The following FILIP1 variants were observed in gnomAD, a reference collection of about 807,000 sequenced individuals.
FILIP1 encodes the protein filamin-A-interacting protein 1.
A neutral mutation model predicts 102.1 loss-of-function variants in FILIP1; 61 were observed. The ratio of observed to expected loss-of-function variants is 0.60; its 90% CI spans 0.49 to 0.74. The LOEUF (loss-of-function observed/expected upper bound fraction) is 0.74. Ranked by LOEUF, FILIP1 falls within the 30% of genes least tolerant of loss-of-function variation. The probability of loss-of-function intolerance (pLI) is 0.00; values close to 1 mark genes in which losing one functional copy is unlikely to be tolerated. For missense variants in FILIP1, 1,314 were observed against 1,441.2 expected, an observed-to-expected ratio of 0.91 and a Z score of 1.43; for synonymous variants, 491 against 526.9, an observed-to-expected ratio of 0.93 and a Z score of 0.93.
chr6:75,362,167 T>C (rs1285931357), intron 3 of FILIP1, among the ~76,000 whole-genome samples: 2 of 152,228 alleles, frequency 1.3e-5, no homozygotes, highest in Non-Finnish European at 2.9e-5. Context: ...TGAGAGTATT[T>C]TTAAAATGTG....
At chr6:75,390,937 T>G (rs2149656923) in intron 2 of FILIP1, among the ~76,000 whole-genome samples, 1 of 152,232 alleles carries the variant, frequency 6.6e-6, no homozygotes, top group South Asian at 2.1e-4. Flanking sequence ...TTCCCTGAAC[T>G]TCTCTCCTCT....
chr6:75,301,508 C>G (rs1025209162), intron 6 of FILIP1, among the ~76,000 whole-genome samples: 17 of 152,092 alleles, frequency 1.1e-4, no homozygotes, highest in African/African-American at 3.6e-4. Context: ...TCCTCTTGAT[C>G]TCTAAGGTCT....
chr6:75,378,610 T>C (rs1379695213), intron 2 of FILIP1, among the ~76,000 whole-genome samples: 1 of 152,192 alleles, frequency 6.6e-6, no homozygotes, highest in Non-Finnish European at 1.5e-5. Context: ...TGAGAAATGA[T>C]GAGTGAACTG....
chr6:75,485,966 AAAAC>A (rs1779773702), intron 1 of FILIP1, among the ~76,000 whole-genome samples: 1 of 111,566 alleles, frequency 9.0e-6, no homozygotes, highest in South Asian at 3.0e-4. Context: ...CCTTCTGACC[AAAAC>A]ACACACACAC....
chr6:75,474,841 A>G (rs996258533), intron 1 of FILIP1, among the ~76,000 whole-genome samples: 1 of 152,104 alleles, frequency 6.6e-6, no homozygotes, highest in Non-Finnish European at 1.5e-5. Context: ...GTTTAGTACC[A>G]TCACCTTGGT....
chr6:75,343,590 T>C (rs1774483734), intron 4 of FILIP1, among the ~76,000 whole-genome samples: 1 of 152,202 alleles, frequency 6.6e-6, no homozygotes, highest in Non-Finnish European at 1.5e-5. Flanking sequence ...TTGGATCCAC[T>C]TGATTACATA....
At chr6:75,469,027 A>G (rs1357368371) in intron 1 of FILIP1, among the ~76,000 whole-genome samples, 2 of 152,058 alleles carry the variant, frequency 1.3e-5, no homozygotes, top group East Asian at 3.8e-4. Context: ...AATTTTGCCA[A>G]CCAAAATAAA....
intron 1 of FILIP1, among the ~76,000 whole-genome samples, chr6:75,442,717 T>C (rs537865864): frequency 2.0e-5 from 3 of 152,100 alleles, no homozygotes; most frequent in Non-Finnish European, 4.4e-5. Flanking sequence ...CAGTCCAGCC[T>C]TGGCTCGGCA....
chr6:75,449,100 C>T (rs191511539), intron 1 of FILIP1, among the ~76,000 whole-genome samples: 4 of 152,100 alleles, frequency 2.6e-5, no homozygotes, highest in Non-Finnish European at 2.9e-5. Context: ...AATCAACAAG[C>T]GGATAAAGAA....
intron 4 of FILIP1, chr6:75,319,945 T>C: frequency 2.3e-6 from 1 of 432,106 alleles, no homozygotes; most frequent in Non-Finnish European, 4.2e-6. Flanking sequence ...ATCATGACAT[T>C]TTGCCTCTCA....
intron 2 of FILIP1, among the ~76,000 whole-genome samples, chr6:75,374,726 G>A (rs1385879205): frequency 6.6e-6 from 1 of 152,070 alleles, no homozygotes; most frequent in Non-Finnish European, 1.5e-5. Flanking sequence ...CATTGCTAAG[G>A]TACAACTAGA....
intron 5 of FILIP1, among the ~76,000 whole-genome samples, chr6:75,309,353 C>G (rs995899958): frequency 6.6e-6 from 1 of 152,174 alleles, no homozygotes; most frequent in African/African-American, 2.4e-5. Context: ...ACCACATCCT[C>G]CTTTTTAAAG....
chr6:75,321,774 C>G (rs13193185), intron 4 of FILIP1, among the ~76,000 whole-genome samples: 3 of 150,524 alleles, frequency 2.0e-5, no homozygotes, highest in Non-Finnish European at 4.4e-5. Context: ...GCAGTCCGAC[C>G]TGGGCGACAG....
At chr6:75,339,269 A>G (rs1774341713) in intron 4 of FILIP1, among the ~76,000 whole-genome samples, 1 of 152,218 alleles carries the variant, frequency 6.6e-6, no homozygotes, top group South Asian at 2.1e-4. Context: ...TGTGTTTCTT[A>G]AAATGTCTCA....
At chr6:75,366,648 G>A (rs1466895458) in intron 2 of FILIP1, among the ~76,000 whole-genome samples, 1 of 152,138 alleles carries the variant, frequency 6.6e-6, no homozygotes, top group East Asian at 1.9e-4. Flanking sequence ...CATTAAAGTA[G>A]GTGCTGAGAC....
chr6:75,492,726 CTGTTA>C (rs570545900), intron 1 of FILIP1, among the ~76,000 whole-genome samples: 168 of 152,240 alleles, frequency 1.1e-3, no homozygotes, highest in African/African-American at 3.9e-3. Flanking sequence ...AAAATAGAAT[CTGTTA>C]TATCTAAATA....
intron 1 of FILIP1, among the ~76,000 whole-genome samples, chr6:75,429,698 C>T (rs568601083): frequency 1.3e-5 from 2 of 152,066 alleles, no homozygotes; most frequent in African/African-American, 2.4e-5. Flanking sequence ...AAGGAACATG[C>T]CCTGGGGACC....
exon 7 of FILIP1, chr6:75,293,419 G>T (rs1562410914): frequency 6.6e-6 from 1 of 151,952 alleles, no homozygotes; most frequent in Non-Finnish European, 1.5e-5. Context: ...TGTTTTCTGG[G>T]GGTTTTTTGG....
In FILIP1 at chr6:75,313,098, T is replaced by C; in HGVS notation, c.2734A>G (p.Ile912Val). The C allele has an allele frequency of 2.5e-6, 4 of 1,614,220 alleles. No homozygotes were observed. The South Asian group carries it at 3.3e-5, about 13-fold the overall frequency. ...LSPKQGQPLHIRVTPDHENST... is the reference protein window; with the variant it reads ...LSPKQGQPLHVRVTPDHENST... ...TTCTCGTGGTCTGGTGTCACTCGAA[T>C]ATGCAGGGGCTGGCCCTGCTTTGGT... Residue 912 changes from isoleucine (I) to valine (V), a missense_variant, in exon 5 of 6, where the codon ATT becomes GTT. Ile to Val is a conservative substitution (Grantham distance 29, BLOSUM62 3). This residue lies in a region of FILIP1 where 816 missense variants were observed against 913.1 expected (regional missense o/e 0.89). Transcript: ENST00000237172. This position sits in a 1 kb window ranked among gnomAD's most constrained non-coding sequence, Gnocchi z 4.2.
Sources: allele counts gnomAD v4.1 joint callset (sites outside exome capture counted in the v4.1 genomes callset), GRCh38; gene constraint gnomAD v4.1.1; regional missense constraint gnomAD v4.1.1; non-coding constraint Gnocchi (gnomAD v3.1); transcripts MANE v1.5; gene names NCBI Gene and HGNC (gene_info 2026-07-23, HGNC 2026-07-21).